Variants in SLC6A17 observed in about 807,000 individuals in gnomAD.
The protein encoded by SLC6A17 is solute carrier family 6 member 17.
A neutral mutation model predicts 64.5 loss-of-function variants in SLC6A17; 21 were observed. The ratio of observed to expected loss-of-function variants is 0.33; its 90% confidence interval spans 0.23 to 0.47. SLC6A17 has a LOEUF of 0.47. Ranked by LOEUF, SLC6A17 falls within the 20% of genes least tolerant of loss-of-function variation. The pLI is 1.00. For synonymous variants in SLC6A17, 372 were observed against 399.5 expected, an observed-to-expected ratio of 0.93 and a Z score of 0.82; for missense variants, 682 against 963.2, an observed-to-expected ratio of 0.71 and a Z score of 3.86.
intron 6 of SLC6A17, among the ~76,000 whole-genome samples, chr1:110,182,640 G>A (rs1656563500): frequency 6.6e-6 from 1 of 151,392 alleles, no homozygotes; most frequent in African/African-American, 2.4e-5. Flanking sequence ...AGACAGGCAG[G>A]CCGACAGACA....
At chr1:110,179,474 A>C (rs1490026549) in intron 6 of SLC6A17, among the ~76,000 whole-genome samples, 1 of 151,490 alleles carries the variant, frequency 6.6e-6, no homozygotes. Context: ...GTTTATGTAC[A>C]CTTTGAGCAG....
rs748589986 is a variant in SLC6A17 at position 110,195,672 on chromosome 1, T to G, written c.1579T>G (p.Ser527Ala). ...CTTTGTCACCATGTTCGATGACTAC[T>G]CGGCCACCCTGCCACTCACTCTCAT... The part of the protein sequence containing the change: ...NYFVTMFDDY[S>A]ATLPLTLIVI... The change falls in exon 10 of 12, where the codon TCG (serine) becomes GCG (alanine). Residue 527 changes from serine to alanine, a missense_variant. Physicochemically the swap from Ser to Ala is moderately conservative, Grantham distance 99 (BLOSUM62 1). Coordinates refer to ENST00000331565, the MANE Select transcript of SLC6A17 (RefSeq NM_001010898.4). The G allele has an allele frequency of 1.9e-6, 3 of 1,614,254 alleles. No homozygotes were observed. The Admixed American group carries it at 5.0e-5, about 27-fold the overall frequency.
chr1:110,161,604 G>T (rs1655911067), intron 1 of SLC6A17, among the ~76,000 whole-genome samples: 1 of 152,142 alleles, frequency 6.6e-6, no homozygotes, highest in Admixed American at 6.5e-5. Context: ...AAAGATGGTG[G>T]CTCCCCCACT....
At chr1:110,184,368 G>A (rs1467535264) in intron 6 of SLC6A17, among the ~76,000 whole-genome samples, 1 of 152,224 alleles carries the variant, frequency 6.6e-6, no homozygotes, top group Non-Finnish European at 1.5e-5. Context: ...GCCTCCCAAA[G>A]TGCTGGGATT....
At position 110,192,621 on chromosome 1, in the gene SLC6A17, G is replaced by A. The variant is rs1312768662; in HGVS notation, c.1222G>A (p.Val408Ile). The change falls in exon 8 of 12, where the codon GTC becomes ATC. Residue 408 changes from valine (V) to isoleucine (I), a missense_variant. Physicochemically the swap from Val to Ile is conservative, Grantham distance 29. This residue lies in a region of SLC6A17 where 415 missense variants were observed against 603.8 expected (regional missense o/e 0.69). Coordinates refer to ENST00000331565, the MANE Select transcript of SLC6A17 (RefSeq NM_001010898.4). The surrounding 1 kb of genome is among the most constrained non-coding windows in gnomAD (Gnocchi z 4.3). ...TTKDYMEMYN[V>I]IMTVKEDQFS... is the part of the protein sequence containing the mutation. ...AAAGGACTACATGGAGATGTACAAT[G>A]TCATCATGACCGTGAAGGAGGACCA... 3 of 1,614,180 alleles carry A rather than the reference G, an allele frequency of 1.9e-6. No individual in the cohort carries two copies. The highest frequency in any genetic ancestry group is 4.5e-5 in the East Asian group (2 of 44,878).
At chr1:110,153,696 T>C (rs1430868572) in intron 1 of SLC6A17, among the ~76,000 whole-genome samples, 1 of 152,176 alleles carries the variant, frequency 6.6e-6, no homozygotes, top group Non-Finnish European at 1.5e-5. Context: ...TTATACTCCT[T>C]TTCTGTCCAG....
chr1:110,154,526 G>A (rs747928851), intron 1 of SLC6A17, among the ~76,000 whole-genome samples: 1 of 152,148 alleles, frequency 6.6e-6, no homozygotes, highest in African/African-American at 2.4e-5. Context: ...CAAGGTTTGG[G>A]GAACATGGTA....
chr1:110,175,051 C>T, intron 5 of SLC6A17, 91 bp downstream of exon 5: 6 of 1,479,494 alleles, frequency 4.1e-6, no homozygotes, highest in Non-Finnish European at 4.5e-6. Context: ...CTGCCCTTTG[C>T]AGGGTCTTCT....
In SLC6A17 at chr1:110,199,537, A is replaced by C; in HGVS notation, c.*1093A>C. 1 of 157,364 alleles carries C rather than the reference A, an allele frequency of 6.4e-6. No homozygotes were observed. 9.7% of individuals were successfully genotyped at this position (157,364 alleles called of 1,614,324 possible). A position where few individuals can be genotyped will look rare whatever the true frequency, so the allele number is the denominator to read the frequency against. On this transcript the variant is annotated 3_prime_UTR_variant, in exon 12 of 12. Transcript: ENST00000331565. The stretch of plus-strand genomic sequence containing the variant: ...GATAATTTCACTGCCCCTTTGAGCC[A>C]CCACTCACTCTCCTTATTACACAAG...
chr1:110,192,661 G>C lies in SLC6A17; in HGVS notation c.1262G>C (p.Gly421Ala). 36 of 1,614,006 alleles carry C rather than the reference G, an allele frequency of 2.2e-5. No homozygotes were observed. The highest frequency in any genetic ancestry group is 3.1e-5 in the Non-Finnish European group (36 of 1,179,956). Residue 421 changes from glycine to alanine, a missense_variant, in exon 8 of 12, where the codon GGC becomes GCC. Around this residue, in one of 3 missense-constraint regions of SLC6A17, gnomAD observed 415 missense variants for 603.8 expected, o/e 0.69. Transcript: ENST00000331565. This position sits in a 1 kb window ranked among gnomAD's most constrained non-coding sequence, Gnocchi z 4.3. The part of the protein sequence containing the change: ...TVKEDQFSAL[G>A]LDPCLLEDEL... ...AAGGAGGACCAGTTCTCAGCCCTGG[G>C]CCTTGACCCCTGCCTTCTGGAGGAC...
chr1:110,197,434 C>A lies in SLC6A17; in HGVS notation c.1653-3C>A. ...CTGCTGGACCCTCTGCTATGCCTGGCAGGTTCATGCAGGAGCTGACGGAGA... is the reference window on the plus strand; with the variant it reads ...CTGCTGGACCCTCTGCTATGCCTGGAAGGTTCATGCAGGAGCTGACGGAGA... On this transcript the variant is annotated splice_region_variant and splice_polypyrimidine_tract_variant and intron_variant, in intron 10 of 11. Transcript: ENST00000331565. The A allele has an allele frequency of 6.2e-7, 1 of 1,608,530 alleles. No individual in the cohort carries two copies.
intron 8 of SLC6A17, among the ~76,000 whole-genome samples, chr1:110,193,119 A>G (rs1374524714): frequency 6.6e-6 from 1 of 152,166 alleles, no homozygotes; most frequent in Non-Finnish European, 1.5e-5. Context: ...CTATGAGTTG[A>G]GTATTCATAT....
chr1:110,198,476 C>A lies in SLC6A17; in HGVS notation c.*32C>A, dbSNP rs201988914. The A allele has an allele frequency of 3.3e-5, 52 of 1,576,224 alleles. No individual in the cohort carries two copies. The highest frequency in any genetic ancestry group is 6.7e-5 in the East Asian group (3 of 44,586). On this transcript the variant is annotated 3_prime_UTR_variant, in exon 12 of 12. Coordinates refer to ENST00000331565, the MANE Select transcript of SLC6A17 (RefSeq NM_001010898.4). ...CCCAAGCCCTGCCCGCCTCTCCCCC[C>A]ACGCTCAACCTGCCCACTTGTCCAG...
At chr1:110,186,089 T>C (rs563069550) in intron 6 of SLC6A17, among the ~76,000 whole-genome samples, 3 of 152,350 alleles carry the variant, frequency 2.0e-5, no homozygotes, top group Non-Finnish European at 4.4e-5. Context: ...TTGTACATTT[T>C]ATAATAAATA....
chr1:110,152,217 A>G lies in SLC6A17; in HGVS notation c.-88+1334A>G, dbSNP rs185258036. On this transcript the variant is annotated intron_variant, in intron 1 of 11. Coordinates refer to ENST00000331565, the MANE Select transcript of SLC6A17 (RefSeq NM_001010898.4). ...AGGTCACACCTGATTGTCCTTGGCCATGGCTCATCCACGAGGACCGTCAGA... is the reference window on the plus strand; with the variant it reads ...AGGTCACACCTGATTGTCCTTGGCCGTGGCTCATCCACGAGGACCGTCAGA... 1.8e-3 allele frequency among the ~76,000 whole-genome samples: 277 copies of G among 152,276 alleles called. 2 individuals are homozygous for G. The highest frequency in any genetic ancestry group is 6.3e-3 in the African/African-American group (260 of 41,546).
chr1:110,184,396 C>T (rs12407119), intron 6 of SLC6A17, among the ~76,000 whole-genome samples: 41,104 of 152,146 alleles, frequency 0.27, 6,744 homozygotes, highest in Non-Finnish European at 0.35. Context: ...TGAGCCACTG[C>T]GCGCAGCCCA....
chr1:110,193,052 G>A (rs1009747436), intron 8 of SLC6A17, among the ~76,000 whole-genome samples: 1 of 152,226 alleles, frequency 6.6e-6, no homozygotes, highest in Non-Finnish European at 1.5e-5. Flanking sequence ...CATCAAAGAA[G>A]TGTTGAAGTT....
At chr1:110,166,298 T>TTA (rs1339621387) in intron 1 of SLC6A17, 7 of 139,804 alleles carry the variant, frequency 5.0e-5, no homozygotes, top group African/African-American at 1.9e-4. Flanking sequence ...TTTTTTTTTT[T>TTA]AAATCACCTG....
At chr1:110,173,833 G>A (rs1365175487) in intron 3 of SLC6A17, 140 bp from the exon 4 acceptor site, 27 of 1,267,276 alleles carry the variant, frequency 2.1e-5, no homozygotes, top group South Asian at 1.6e-4. Flanking sequence ...TCCACGGCCC[G>A]CACCCTATCC....
Sources: allele counts gnomAD v4.1 joint callset (sites outside exome capture counted in the v4.1 genomes callset), GRCh38; gene constraint gnomAD v4.1.1; regional missense constraint gnomAD v4.1.1; non-coding constraint Gnocchi (gnomAD v3.1); transcripts MANE v1.5; gene names NCBI Gene and HGNC (gene_info 2026-07-23, HGNC 2026-07-21).